Variants in EVPL observed in about 807,000 individuals in gnomAD.
EVPL encodes 210 kDa cornified envelope precursor protein.
Under a neutral mutation model 129.7 loss-of-function variants are expected in EVPL, and 94 were observed. The ratio of observed to expected loss-of-function variants is 0.72; its 90% CI spans 0.61 to 0.86. EVPL has a LOEUF of 0.86. Ranked by LOEUF, EVPL falls within the 40% of genes least tolerant of loss-of-function variation. EVPL has a pLI of 0.00. For missense variants in EVPL, 2,625 were observed against 2,721.1 expected (o/e 0.96, Z 0.79); for synonymous variants, 1,172 against 1,191.1 (o/e 0.98, Z 0.33).
Position 76,024,166 on chromosome 17 carries a change from T to C in EVPL, c.99-46A>G, listed in dbSNP as rs769251775. ...CGGGTAGCTCGGTGGAAGAGGCCCC[T>C]CTGTGCCCCATCCAGGTGGCATCCC... is the stretch of plus-strand genomic sequence containing the variant. On this transcript the variant is annotated intron_variant, in intron 1 of 21. Transcript: ENST00000301607. This position sits in a 1 kb window ranked among gnomAD's most constrained non-coding sequence, Gnocchi z 4.5. 5.3e-5 allele frequency: 83 copies of C among 1,572,556 alleles called. 1 individual carries two copies. Among genetic ancestry groups the C allele is most frequent in the Non-Finnish European group, 6.9e-5 (79 of 1,150,714 alleles).
chr17:76,009,705 G>A lies in EVPL; in HGVS notation c.3500C>T (p.Ala1167Val), dbSNP rs771170711. 8.7e-6 allele frequency: 14 copies of A among 1,613,460 alleles called. No individual in the cohort carries two copies. Among genetic ancestry groups the A allele is most frequent in the East Asian group, 4.5e-5 (2 of 44,866 alleles). The change falls in exon 22 of 22, where the codon GCG (alanine) becomes GTG (valine). Residue 1167 changes from alanine to valine, a missense_variant. By Grantham distance (64) the Ala-to-Val change is moderately conservative. Coordinates refer to ENST00000301607, the MANE Select transcript of EVPL (RefSeq NM_001988.4). The surrounding 1 kb of genome is among the most constrained non-coding windows in gnomAD (Gnocchi z 5.9). Reference protein sequence around the residue: ...SLLEEERTKNATLARELSDLH... With the variant: ...SLLEEERTKNVTLARELSDLH... ...GTCGCTCAGCTCCCTGGCCAGCGTC[G>A]CGTTCTTGGTCCTCTCCTCCTCGAG...
chr17:76,006,910 G>A lies in EVPL; in HGVS notation c.*193C>T. ...GAGGTGGAGGAAGAACTGAGTGGCT[G>A]CTGTCCTGGTCTGGGGATGGATCAG... On this transcript the variant is annotated 3_prime_UTR_variant, in exon 22 of 22. Coordinates refer to ENST00000301607, the MANE Select transcript of EVPL (RefSeq NM_001988.4). The A allele has an allele frequency of 2.0e-6, 1 of 502,740 alleles. No individual in the cohort carries two copies. The highest frequency in any genetic ancestry group is 3.2e-6 in the Non-Finnish European group (1 of 317,426). 31.1% of individuals were successfully genotyped at this position (502,740 alleles called of 1,614,324 possible). A position where few individuals can be genotyped will look rare whatever the true frequency, so the allele number is the denominator to read the frequency against.
At position 76,008,894 on chromosome 17, in the gene EVPL, C is replaced by T; in HGVS notation, c.4311G>A (p.Arg1437=). 2 of 1,613,838 alleles carry T rather than the reference C, an allele frequency of 1.2e-6. No homozygotes were observed. The highest frequency in any genetic ancestry group is 1.7e-6 in the Non-Finnish European group (2 of 1,180,020). The change falls in exon 22 of 22, where the codon AGG becomes AGA. Residue 1437 remains arginine (R), a synonymous_variant. Coordinates refer to ENST00000301607, the MANE Select transcript of EVPL (RefSeq NM_001988.4). The surrounding 1 kb of genome is among the most constrained non-coding windows in gnomAD (Gnocchi z 7.4). ...EDRSKKLAVE[R]ELRQLTLRIQ... ...TCCTCAAGGTCAGCTGCCGCAGCTCCCTCTCCACGGCCAGCTTCTTGCTGC... is the reference window on the plus strand; with the variant it reads ...TCCTCAAGGTCAGCTGCCGCAGCTCTCTCTCCACGGCCAGCTTCTTGCTGC...
intron 8 of EVPL, 31 bp from the exon 9 acceptor site, chr17:76,021,594 A>ACGCCCCCCCCCCCC: frequency 7.0e-7 from 1 of 1,438,588 alleles, no homozygotes; most frequent in Non-Finnish European, 9.2e-7. Context: ...CCCTCGGACC[A>ACGCCCCCCCCCCCC]CGCCCCCCCC....
intron 1 of EVPL, among the ~76,000 whole-genome samples, chr17:76,025,431 A>G (rs778016705): frequency 6.6e-6 from 1 of 152,166 alleles, no homozygotes; most frequent in Non-Finnish European, 1.5e-5. Context: ...GAGAGCCAAC[A>G]GGGCCCTGAG....
chr17:76,021,142 G>A (rs2066454175), intron 9 of EVPL, among the ~76,000 whole-genome samples: 1 of 152,074 alleles, frequency 6.6e-6, no homozygotes, highest in Non-Finnish European at 1.5e-5. Context: ...TGCAACCTCC[G>A]CCTCCTGGGT....
chr17:76,015,421 CG>C, intron 15 of EVPL, 28 bp downstream of exon 15: 1 of 1,605,772 alleles, frequency 6.2e-7, no homozygotes, highest in Non-Finnish European at 8.5e-7. Context: ...TGCTGCCCTG[CG>C]TGGCTGCCCT....
Position 76,010,199 on chromosome 17 carries a change from C to A in EVPL, c.3006G>T (p.Gln1002His), listed in dbSNP as rs548020943. Reference protein sequence around the residue: ...DLEVAAQKVVQLESKRKTMQP... With the variant: ...DLEVAAQKVVHLESKRKTMQP... ...GCATGGTCTTCCTCTTGCTTTCCAG[C>A]TGCACGACCTTCTGGGCTGCCACTT... The change falls in exon 22 of 22, where the codon CAG (glutamine) becomes CAT (histidine). Residue 1002 changes from glutamine (Q) to histidine (H), a missense_variant. Around this residue, in one of 4 missense-constraint regions of EVPL, gnomAD observed 1,453 missense variants for 1,511.8 expected, o/e 0.96. Coordinates refer to ENST00000301607, the MANE Select transcript of EVPL (RefSeq NM_001988.4). 50 of 1,614,080 alleles carry A rather than the reference C, an allele frequency of 3.1e-5. No homozygotes were observed. The South Asian group carries it at 3.3e-4, about 11-fold the overall frequency.
Position 76,013,920 on chromosome 17 carries a change from C to A in EVPL, c.2373+506G>T, listed in dbSNP as rs2066397309. Among the ~76,000 whole-genome samples the A allele has an allele frequency of 6.6e-6, 1 of 152,088 alleles. No homozygotes were observed. The highest frequency in any genetic ancestry group is 1.5e-5 in the Non-Finnish European group (1 of 68,014). On this transcript the variant is annotated intron_variant, in intron 18 of 21. Transcript: ENST00000301607. The surrounding 1 kb of genome is among the most constrained non-coding windows in gnomAD (Gnocchi z 4.3). ...TGGTCTGCCCATCTGGTCGCCCTCG[C>A]CCCTGAGTCCCCCTCCTTTCCCCTG...
chr17:76,011,880 G>A lies in EVPL; in HGVS notation c.2460C>T (p.Asp820=). The A allele has an allele frequency of 5.0e-6, 8 of 1,613,372 alleles. No homozygotes were observed. In the South Asian group the frequency reaches 7.7e-5, roughly 16 times the overall value. ...LSQALQAALQ[D]YELQADTYRC... is the part of the protein sequence containing the mutation. Reference sequence around the variant, plus strand: ...GGTAGGTGTCTGCCTGGAGCTCATAGTCCTGAGCAGGGAGGAAAGGACAGC... The same window carrying A: ...GGTAGGTGTCTGCCTGGAGCTCATAATCCTGAGCAGGGAGGAAAGGACAGC... The change falls in exon 20 of 22, where the codon GAC becomes GAT. Residue 820 remains aspartate (D), a splice_region_variant and synonymous_variant. Coordinates refer to ENST00000301607, the MANE Select transcript of EVPL (RefSeq NM_001988.4).
Position 76,008,449 on chromosome 17 carries a change from C to T in EVPL, c.4756G>A (p.Asp1586Asn). 6.3e-7 allele frequency: 1 copy of T among 1,592,660 alleles called. No individual in the cohort carries two copies. The highest frequency in any genetic ancestry group is 1.1e-5 in the South Asian group (1 of 89,862). ...CGCCCACACTCCTGGTCGGCCTGGT[C>T]CCGGGCCCTCTGCAGCTCGGACTCC... Reference protein sequence around the residue: ...REESELQRARDQADQECGRLQ... With the variant: ...REESELQRARNQADQECGRLQ... The change falls in exon 22 of 22, where the codon GAC (aspartate) becomes AAC (asparagine). Residue 1586 changes from aspartate (D) to asparagine (N), a missense_variant. Coordinates refer to ENST00000301607, the MANE Select transcript of EVPL (RefSeq NM_001988.4). The surrounding 1 kb of genome is among the most constrained non-coding windows in gnomAD (Gnocchi z 7.4).
Position 76,009,829 on chromosome 17 carries a change from C to A in EVPL, c.3376G>T (p.Ala1126Ser), listed in dbSNP as rs149596756. 1.2e-6 allele frequency: 2 copies of A among 1,613,890 alleles called. No individual in the cohort carries two copies. The highest frequency in any genetic ancestry group is 1.7e-6 in the Non-Finnish European group (2 of 1,180,010). Residue 1126 changes from alanine to serine, a missense_variant, in exon 22 of 22, where the codon GCT becomes TCT. Around this residue, in one of 4 missense-constraint regions of EVPL, gnomAD observed 1,453 missense variants for 1,511.8 expected, o/e 0.96. Coordinates refer to ENST00000301607, the MANE Select transcript of EVPL (RefSeq NM_001988.4). The surrounding 1 kb of genome is among the most constrained non-coding windows in gnomAD (Gnocchi z 5.9). ...LQARIEDLER[A>S]ISSVEPKVIV... is the part of the protein sequence containing the mutation. Reference sequence around the variant, plus strand: ...ACCTTGGGCTCCACCGAGCTGATAGCCCGCTCCAGGTCTTCGATGCGAGCC... The same window carrying A: ...ACCTTGGGCTCCACCGAGCTGATAGACCGCTCCAGGTCTTCGATGCGAGCC...
In EVPL at chr17:76,014,490, G is replaced by A. The variant is rs934177628; in HGVS notation, c.2309C>T (p.Pro770Leu). 8.7e-6 allele frequency: 14 copies of A among 1,611,712 alleles called. No individual in the cohort carries two copies. The highest frequency in any genetic ancestry group is 1.2e-5 in the Non-Finnish European group (14 of 1,179,424). The change falls in exon 18 of 22, where the codon CCC becomes CTC. Residue 770 changes from proline to leucine, a missense_variant. Pro to Leu is a moderately conservative substitution (Grantham distance 98, BLOSUM62 -3). Coordinates refer to ENST00000301607, the MANE Select transcript of EVPL (RefSeq NM_001988.4). The part of the protein sequence containing the change: ...DNLSSWLEHL[P>L]RSQVRPSDGP... ...GTCGCTGGGCCGCACCTGGCTGCGG[G>A]GCAGGTGCTCCAGCCAGGAGCTCAG...
Position 76,024,979 on chromosome 17 carries a change from T to C in EVPL, c.99-859A>G, listed in dbSNP as rs59883787. Among the ~76,000 whole-genome samples, 8,947 of 152,234 alleles carry C rather than the reference T, an allele frequency of 0.059. 847 individuals are homozygous for C. Among genetic ancestry groups the C allele is most frequent in the African/African-American group, 0.2 (8,462 of 41,510 alleles). ...TCATTATGCTGGGGCAGGAGAAGCCTTGAACTGGGTCAAAGGATGGGCCCC... is the reference window on the plus strand; with the variant it reads ...TCATTATGCTGGGGCAGGAGAAGCCCTGAACTGGGTCAAAGGATGGGCCCC... On this transcript the variant is annotated intron_variant, in intron 1 of 21. Coordinates refer to ENST00000301607, the MANE Select transcript of EVPL (RefSeq NM_001988.4). The surrounding 1 kb of genome is among the most constrained non-coding windows in gnomAD (Gnocchi z 4.5).
chr17:76,017,595 A>T, intron 14 of EVPL, 144 bp downstream of exon 14: 1 of 1,175,020 alleles, frequency 8.5e-7, no homozygotes, highest in Non-Finnish European at 1.2e-6. Flanking sequence ...GAGGGGAACC[A>T]GCTTGTCTGA....
At chr17:76,014,623 G>A in intron 17 of EVPL, 47 bp from the exon 18 acceptor site, 4 of 1,587,854 alleles carry the variant, frequency 2.5e-6, no homozygotes, top group Non-Finnish European at 3.4e-6. Flanking sequence ...TGCCCCGTGG[G>A]GACAGGGGCA....
At position 76,022,361 on chromosome 17, in the gene EVPL, G is replaced by A; in HGVS notation, c.606+52C>T. ...GCCGATCTAGCTCCGGCTCTGACTG[G>A]AGAAACGGGCTGGGGCTGGCCCCGG... On this transcript the variant is annotated intron_variant, in intron 5 of 21. Transcript: ENST00000301607. This position sits in a 1 kb window ranked among gnomAD's most constrained non-coding sequence, Gnocchi z 5.6. The A allele has an allele frequency of 6.2e-7, 1 of 1,611,208 alleles. No homozygotes were observed. Among genetic ancestry groups the A allele is most frequent in the Non-Finnish European group, 8.5e-7 (1 of 1,178,828 alleles).
Position 76,017,823 on chromosome 17 carries a change from C to G in EVPL, c.1626G>C (p.Glu542Asp). 4 of 1,613,926 alleles carry G rather than the reference C, an allele frequency of 2.5e-6. No individual in the cohort carries two copies. The highest frequency in any genetic ancestry group is 2.5e-6 in the Non-Finnish European group (3 of 1,180,038). ...CCCGCGCCCAGGCCAGCACCTGCCT[C>G]TCTATCTGTCCCAGGTCTCCATCCA... The part of the protein sequence containing the change: ...TRLDGDLGQI[E>D]RQVLAWARAP... Residue 542 changes from glutamate to aspartate, a missense_variant, in exon 14 of 22, where the codon GAG (glutamate) becomes GAC (aspartate). Transcript: ENST00000301607.
rs375387796 is a variant in EVPL, at chr17:76,012,062, C to T, written c.2401G>A (p.Glu801Lys). Reference sequence around the variant, plus strand: ...TGGGATGCTGTGGCCCTGTCCCGCTCTCGGCTCTGGATCTCCTGCGTCAGC... The same window carrying T: ...TGGGATGCTGTGGCCCTGTCCCGCTTTCGGCTCTGGATCTCCTGCGTCAGC... ...KRLTQEIQSR[E>K]RDRATASHLS... Residue 801 changes from glutamate to lysine, a missense_variant, in exon 19 of 22, where the codon GAG becomes AAG. Around this residue, in one of 4 missense-constraint regions of EVPL, gnomAD observed 1,024 missense variants for 997.5 expected, o/e 1.03. Transcript: ENST00000301607. 1 of 1,611,702 alleles carries T rather than the reference C, an allele frequency of 6.2e-7. No homozygotes were observed. The highest frequency in any genetic ancestry group is 1.3e-5 in the African/African-American group (1 of 74,874).
Sources: allele counts gnomAD v4.1 joint callset (sites outside exome capture counted in the v4.1 genomes callset), GRCh38; gene constraint gnomAD v4.1.1; regional missense constraint gnomAD v4.1.1; non-coding constraint Gnocchi (gnomAD v3.1); transcripts MANE v1.5; gene names NCBI Gene and HGNC (gene_info 2026-07-23, HGNC 2026-07-21).